Variants in MBOAT2 observed in about 807,000 individuals in gnomAD.
MBOAT2 encodes the protein membrane bound glycerophospholipid O-acyltransferase 2.
Under a neutral mutation model 63.4 loss-of-function variants are expected in MBOAT2, and 28 were observed. The ratio of observed to expected loss-of-function variants is 0.44; its 90% CI spans 0.33 to 0.61. MBOAT2 has a LOEUF of 0.61. MBOAT2 is among the 20% of genes least tolerant of loss of function. The pLI, the probability that MBOAT2 is intolerant of heterozygous loss-of-function variation, is 0.03. For synonymous variants in MBOAT2, 211 were observed against 215.6 expected (o/e 0.98, Z 0.19); for missense variants, 470 against 605.8 (o/e 0.78, Z 2.35).
intron 1 of MBOAT2, among the ~76,000 whole-genome samples, chr2:9,002,919 C>T (rs1396618125): frequency 6.6e-6 from 1 of 152,208 alleles, no homozygotes; most frequent in Non-Finnish European, 1.5e-5. Flanking sequence ...TTCTTCATAA[C>T]CTGTCTGCCT....
In MBOAT2 at chr2:8,858,199, T is replaced by C. The variant is rs1421786883; in HGVS notation, c.*480A>G. The C allele has an allele frequency of 6.5e-6, 1 of 153,358 alleles. No homozygotes were observed. Among genetic ancestry groups the C allele is most frequent in the African/African-American group, 2.4e-5 (1 of 41,468 alleles). 9.5% of individuals were successfully genotyped at this position (153,358 alleles called of 1,614,324 possible). A position where few individuals can be genotyped will look rare whatever the true frequency, so the allele number is the denominator to read the frequency against. On this transcript the variant is annotated 3_prime_UTR_variant, in exon 13 of 13. Coordinates refer to ENST00000305997, the MANE Select transcript of MBOAT2 (RefSeq NM_138799.4). ...CTGTTTCAAATTCCTCCTAAAATCC[T>C]TTACAGCACACAACATCAACTACTG...
At chr2:8,958,219 G>T (rs765355559) in intron 2 of MBOAT2, among the ~76,000 whole-genome samples, 2 of 152,104 alleles carry the variant, frequency 1.3e-5, no homozygotes, top group Non-Finnish European at 2.9e-5. Context: ...TAGGTGTAAA[G>T]AACTACTCAT....
At chr2:8,943,541 A>G (rs2103238618) in intron 2 of MBOAT2, among the ~76,000 whole-genome samples, 1 of 152,324 alleles carries the variant, frequency 6.6e-6, no homozygotes. Context: ...GTGGGATTAC[A>G]TGGCTCAGGA....
chr2:8,943,718 A>G (rs1166854764), intron 2 of MBOAT2, among the ~76,000 whole-genome samples: 2 of 152,216 alleles, frequency 1.3e-5, no homozygotes, highest in African/African-American at 4.8e-5. Flanking sequence ...AAAACAACAA[A>G]AAGTGCTAAA....
intron 1 of MBOAT2, among the ~76,000 whole-genome samples, chr2:8,975,241 G>C (rs1670734047): frequency 6.6e-6 from 1 of 151,908 alleles, no homozygotes; most frequent in African/African-American, 2.4e-5. Flanking sequence ...TACTTAATGG[G>C]GTCACTTCTA....
intron 1 of MBOAT2, among the ~76,000 whole-genome samples, chr2:8,989,335 G>C (rs1671770688): frequency 6.6e-6 from 1 of 152,098 alleles, no homozygotes; most frequent in Non-Finnish European, 1.5e-5. Context: ...ATGCCTCATG[G>C]GTTCTATCAT....
intron 10 of MBOAT2, among the ~76,000 whole-genome samples, chr2:8,863,289 T>C (rs911253025): frequency 6.6e-6 from 1 of 152,178 alleles, no homozygotes; most frequent in African/African-American, 2.4e-5. Flanking sequence ...TGACAGCGTA[T>C]GCTAGCCATC....
intron 1 of MBOAT2, among the ~76,000 whole-genome samples, chr2:8,966,543 C>T (rs530216465): frequency 2.6e-5 from 4 of 152,128 alleles, no homozygotes; most frequent in African/African-American, 4.8e-5. Flanking sequence ...GCAAAACTTA[C>T]GTGCAGCTAC....
chr2:8,866,544 A>T (rs1472517282), intron 9 of MBOAT2, among the ~76,000 whole-genome samples: 1 of 152,238 alleles, frequency 6.6e-6, no homozygotes, highest in East Asian at 1.9e-4. Context: ...TTAGTTCAGA[A>T]TATATGTCCA....
At chr2:8,864,303 TTATGCTA>T in intron 9 of MBOAT2, 69 bp from the exon 10 acceptor site, 1 of 893,244 alleles carries the variant, frequency 1.1e-6, no homozygotes, top group Non-Finnish European at 1.6e-6. Context: ...TAATATATTA[TTATGCTA>T]AAAAATAAAA....
At chr2:8,948,028 T>A (rs1426485000) in intron 2 of MBOAT2, among the ~76,000 whole-genome samples, 1 of 152,164 alleles carries the variant, frequency 6.6e-6, no homozygotes, top group Admixed American at 6.5e-5. Context: ...ACTAAATACA[T>A]CTGTGATTCA....
intron 6 of MBOAT2, among the ~76,000 whole-genome samples, chr2:8,878,814 C>T (rs1257762902): frequency 2.6e-5 from 4 of 152,194 alleles, no homozygotes; most frequent in South Asian, 4.1e-4. Context: ...CGGTGGCTCA[C>T]GCCTGTAATC....
chr2:8,960,645 C>T (rs1323496217), intron 1 of MBOAT2, among the ~76,000 whole-genome samples: 3 of 152,122 alleles, frequency 2.0e-5, no homozygotes, highest in South Asian at 2.1e-4. Context: ...AGTATGATTC[C>T]TTCCAAGAAA....
intron 3 of MBOAT2, among the ~76,000 whole-genome samples, chr2:8,925,211 C>CACTG (rs139835586): frequency 0.019 from 2,945 of 152,230 alleles, 45 homozygotes; most frequent in Non-Finnish European, 0.026. Flanking sequence ...TAGAACCTAT[C>CACTG]ACTGACTGTT....
intron 1 of MBOAT2, among the ~76,000 whole-genome samples, chr2:8,968,566 C>T (rs982388913): frequency 2.0e-5 from 3 of 151,882 alleles, no homozygotes; most frequent in African/African-American, 4.8e-5. Context: ...AGGCTTCAGA[C>T]GATCAAACTT....
rs540206304 is a variant in MBOAT2 at position 8,946,719 on chromosome 2, C to T, written c.222-3455G>A. 1.2e-4 allele frequency among the ~76,000 whole-genome samples: 18 copies of T among 152,260 alleles called. No homozygotes were observed. In the South Asian group the frequency reaches 3.5e-3, roughly 30 times the overall value. Reference sequence around the variant, plus strand: ...CGATCTTTGATATTACTACTGTAATCGTTTGGGGGCACCACAAACTGTGCC... The same window carrying T: ...CGATCTTTGATATTACTACTGTAATTGTTTGGGGGCACCACAAACTGTGCC... On this transcript the variant is annotated intron_variant, in intron 2 of 12. Transcript: ENST00000305997.
chr2:8,878,439 T>A (rs930433871), intron 6 of MBOAT2, among the ~76,000 whole-genome samples: 32 of 152,198 alleles, frequency 2.1e-4, no homozygotes, highest in African/African-American at 7.5e-4. Flanking sequence ...TCCATGCTCC[T>A]CTCTGAATAT....
chr2:8,901,873 AGC>A (rs1664957288), intron 4 of MBOAT2, among the ~76,000 whole-genome samples: 1 of 152,226 alleles, frequency 6.6e-6, no homozygotes, highest in Non-Finnish European at 1.5e-5. Context: ...AAGCAGGACT[AGC>A]CTTGGAGAAG....
At chr2:8,892,884 G>A (rs949153944) in intron 4 of MBOAT2, among the ~76,000 whole-genome samples, 3 of 152,154 alleles carry the variant, frequency 2.0e-5, no homozygotes, top group African/African-American at 7.2e-5. Flanking sequence ...AGGAACAGAA[G>A]CTAAAGATGG....
Sources: gnomAD v4.1 joint callset for allele counts (sites outside exome capture counted in the v4.1 genomes callset) on GRCh38, gnomAD v4.1.1 for gene constraint, MANE v1.5 for transcripts, NCBI Gene and HGNC (gene_info 2026-07-23, HGNC 2026-07-21) for gene names.